Variants in FAXDC2 observed in about 807,000 individuals in gnomAD.
The protein encoded by FAXDC2 is fatty acid hydroxylase domain containing 2, also known as fatty acid hydroxylase domain-containing protein 2.
Under a neutral mutation model 40.9 loss-of-function variants are expected in FAXDC2, and 41 were observed. The ratio of observed to expected loss-of-function variants is 1.00; its 90% CI spans 0.78 to 1.30. The LOEUF is 1.30. FAXDC2 is among the 50% of genes most tolerant of loss of function. The probability of loss-of-function intolerance (pLI) is 0.00; values close to 1 mark genes in which losing one functional copy is unlikely to be tolerated. For missense variants in FAXDC2, 390 were observed against 408.8 expected (o/e 0.95, Z 0.40); for synonymous variants, 157 against 149.3 (o/e 1.05, Z -0.38).
intron 1 of FAXDC2, among the ~76,000 whole-genome samples, chr5:154,848,100 A>T (rs1220845380): frequency 6.6e-6 from 1 of 152,148 alleles, no homozygotes; most frequent in Non-Finnish European, 1.5e-5. Context: ...CGGCCTCCCA[A>T]TGTGCTGGGA....
Position 154,834,542 on chromosome 5 carries a change from C to T in FAXDC2, c.244+83G>A. The stretch of plus-strand genomic sequence containing the variant: ...CTTGGAATAATAAACTGAAAAGTCC[C>T]AAAGTAGAGAACAAAACAACAAAAA... On this transcript the variant is annotated intron_variant, in intron 4 of 8. Coordinates refer to ENST00000326080, the MANE Select transcript of FAXDC2 (RefSeq NM_032385.5). 4 of 1,049,542 alleles carry T rather than the reference C, an allele frequency of 3.8e-6. No individual in the cohort carries two copies. The East Asian group carries it at 9.8e-5, about 26-fold the overall frequency. The allele number at this position is 1,049,542 out of a possible 1,614,324, so 65.0% of individuals were successfully genotyped here.
At chr5:154,848,859 C>G (rs1417326055) in intron 1 of FAXDC2, among the ~76,000 whole-genome samples, 1 of 151,298 alleles carries the variant, frequency 6.6e-6, no homozygotes, top group African/African-American at 2.4e-5. Context: ...CCCAGCTGCT[C>G]TGGAGGCTGA....
chr5:154,824,420 A>G (rs1759969224), intron 5 of FAXDC2: 1 of 692,670 alleles, frequency 1.4e-6, no homozygotes, highest in Non-Finnish European at 2.6e-6. Context: ...TCTGCCCCAA[A>G]GCGCGACAGG....
At chr5:154,825,668 A>AAAAAAAAAAAAG (rs70981954) in intron 5 of FAXDC2, among the ~76,000 whole-genome samples, 13 of 143,414 alleles carry the variant, frequency 9.1e-5, no homozygotes, top group African/African-American at 3.4e-4. Flanking sequence ...AAAAAAAAAA[A>AAAAAAAAAAAAG]GCAGTAATAT....
intron 4 of FAXDC2, among the ~76,000 whole-genome samples, chr5:154,832,183 TTTA>T: frequency 6.6e-6 from 1 of 152,128 alleles, no homozygotes; most frequent in Non-Finnish European, 1.5e-5. Context: ...TTGCCTGATT[TTTA>T]TTTTTAACAA....
chr5:154,822,796 G>A (rs536424115), intron 6 of FAXDC2, among the ~76,000 whole-genome samples: 3 of 152,272 alleles, frequency 2.0e-5, no homozygotes, highest in South Asian at 2.1e-4. Flanking sequence ...TGTAAAATGG[G>A]ATGCTGCCCA....
intron 5 of FAXDC2, chr5:154,824,812 G>C (rs1282396154): frequency 1.2e-5 from 5 of 409,560 alleles, no homozygotes; most frequent in Non-Finnish European, 2.2e-5. Flanking sequence ...TATCAGGCTG[G>C]GCACGGTGGC....
At chr5:154,822,682 C>A in intron 6 of FAXDC2, 105 bp from the exon 7 acceptor site, 1 of 801,132 alleles carries the variant, frequency 1.2e-6, no homozygotes, top group Non-Finnish European at 2.1e-6. Context: ...ATCCATGGAG[C>A]AAAGTTAACA....
At chr5:154,826,932 A>G (rs1760053483) in intron 5 of FAXDC2, among the ~76,000 whole-genome samples, 1 of 152,224 alleles carries the variant, frequency 6.6e-6, no homozygotes, top group Non-Finnish European at 1.5e-5. Context: ...TGATATGTAA[A>G]TGCATAATTC....
intron 4 of FAXDC2, among the ~76,000 whole-genome samples, chr5:154,831,596 C>T (rs1463075411): frequency 6.6e-6 from 1 of 152,146 alleles, no homozygotes; most frequent in African/African-American, 2.4e-5. Flanking sequence ...GCTACCGGCA[C>T]CTGCCACCAT....
At chr5:154,823,637 G>A in intron 5 of FAXDC2, 45 bp from the exon 6 acceptor site, 3 of 1,535,154 alleles carry the variant, frequency 2.0e-6, no homozygotes, top group Non-Finnish European at 2.7e-6. Context: ...AGTGTGAGAA[G>A]TAGGCTCCAC....
chr5:154,827,421 T>TTGTGTG (rs10528622), intron 5 of FAXDC2, among the ~76,000 whole-genome samples: 19,123 of 138,472 alleles, frequency 0.14, 1,507 homozygotes, highest in Non-Finnish European at 0.15. Context: ...TTCTGTTATT[T>TTGTGTG]TGTGTGTGTG....
At chr5:154,840,851 C>T (rs1760461268) in intron 1 of FAXDC2, among the ~76,000 whole-genome samples, 1 of 152,136 alleles carries the variant, frequency 6.6e-6, no homozygotes, top group Non-Finnish European at 1.5e-5. Context: ...GTGCCCAGCC[C>T]ACATTTTTTA....
At chr5:154,836,679 C>T (rs952669394) in intron 2 of FAXDC2, among the ~76,000 whole-genome samples, 1 of 151,794 alleles carries the variant, frequency 6.6e-6, no homozygotes, top group Non-Finnish European at 1.5e-5. Context: ...TTGAGACAGT[C>T]TTACTGTGTT....
At chr5:154,834,336 T>A (rs1168068216) in intron 4 of FAXDC2, among the ~76,000 whole-genome samples, 1 of 152,136 alleles carries the variant, frequency 6.6e-6, no homozygotes, top group Non-Finnish European at 1.5e-5. Context: ...GAATTAAGTG[T>A]AGAAACAGGA....
chr5:154,849,468 G>A (rs960829131), intron 1 of FAXDC2, among the ~76,000 whole-genome samples: 7 of 151,938 alleles, frequency 4.6e-5, no homozygotes, highest in Non-Finnish European at 7.4e-5. Context: ...TGTTTACCAC[G>A]AGATCCACAG....
rs1474674708 is a variant in FAXDC2, at chr5:154,830,884, T to C, written c.283A>G (p.Asn95Asp). 1 of 1,614,122 alleles carries C rather than the reference T, an allele frequency of 6.2e-7. No homozygotes were observed. The highest frequency in any genetic ancestry group is 8.5e-7 in the Non-Finnish European group (1 of 1,179,992). The change falls in exon 5 of 9, where the codon AAT becomes GAT. Residue 95 changes from asparagine to aspartate, a missense_variant. Asn to Asp is a conservative substitution (Grantham distance 23). Coordinates refer to ENST00000326080, the MANE Select transcript of FAXDC2 (RefSeq NM_032385.5). Reference protein sequence around the residue: ...QVPCLFFWSFNGLLLVVDTTG... With the variant: ...QVPCLFFWSFDGLLLVVDTTG... ...GTGTCAACCACCAATAGAAGCCCATTGAAGCTCCAGAAGAAGAGACAAGGC... is the reference window on the plus strand; with the variant it reads ...GTGTCAACCACCAATAGAAGCCCATCGAAGCTCCAGAAGAAGAGACAAGGC...
chr5:154,839,615 C>G (rs1414570445), intron 1 of FAXDC2, among the ~76,000 whole-genome samples: 1 of 151,326 alleles, frequency 6.6e-6, no homozygotes, highest in East Asian at 1.9e-4. Context: ...GCCACTGATC[C>G]AGCCTGGACG....
At chr5:154,821,653 G>T (rs1390241673) in intron 7 of FAXDC2, among the ~76,000 whole-genome samples, 1 of 152,136 alleles carries the variant, frequency 6.6e-6, no homozygotes, top group Non-Finnish European at 1.5e-5. Flanking sequence ...AGATTAAAAA[G>T]GTTGTTGGAG....
Sources: allele counts gnomAD v4.1 joint callset (sites outside exome capture counted in the v4.1 genomes callset), GRCh38; gene constraint gnomAD v4.1.1; transcripts MANE v1.5; gene names NCBI Gene and HGNC (gene_info 2026-07-23, HGNC 2026-07-21).